ARHGEF10: variants seen among roughly 807,000 people sequenced by gnomAD.
ARHGEF10 encodes Rho guanine nucleotide exchange factor (GEF) 10.
ARHGEF10 carries 140 observed loss-of-function variants against 147.4 expected under a neutral mutation model. The ratio of observed to expected loss-of-function variants is 0.95; its 90% CI spans 0.83 to 1.09. The LOEUF is 1.09. Ranked by LOEUF, ARHGEF10 falls within the 50% of genes least tolerant of loss-of-function variation. The pLI, the probability that ARHGEF10 is intolerant of heterozygous loss-of-function variation, is 0.00. For missense variants in ARHGEF10, 2,222 were observed against 1,752.7 expected, an observed-to-expected ratio of 1.27 and a Z score of -4.78; for synonymous variants, 902 against 695.8, an observed-to-expected ratio of 1.30 and a Z score of -4.67.
chr8:1,846,063 C>T (rs1362462547), intron 2 of ARHGEF10, among the ~76,000 whole-genome samples: 1 of 152,232 alleles, frequency 6.6e-6, no homozygotes, highest in Non-Finnish European at 1.5e-5. Context: ...GTCACTAGCT[C>T]CAGGCTGCAG....
intron 1 of ARHGEF10, among the ~76,000 whole-genome samples, chr8:1,827,216 C>G (rs1311073340): frequency 6.6e-6 from 1 of 152,250 alleles, no homozygotes; most frequent in East Asian, 1.9e-4. Context: ...TGCCACCCTA[C>G]TCTGCTTCAG....
Position 1,898,477 on chromosome 8 carries a change from G to C in ARHGEF10, c.1602G>C (p.Leu534=), listed in dbSNP as rs762833112. The change falls in exon 15 of 29, where the codon CTG becomes CTC. Residue 534 remains leucine (L), a synonymous_variant. Coordinates refer to ENST00000349830, the MANE Select transcript of ARHGEF10 (RefSeq NM_014629.4). ...ASPDRTTLYS[L]MMKPIQRFPQ... ...CCGATCGAACCACGCTCTACAGCCTGATGATGAAGCCCATCCAGAGGTTCC... is the reference window on the plus strand; with the variant it reads ...CCGATCGAACCACGCTCTACAGCCTCATGATGAAGCCCATCCAGAGGTTCC... 1.9e-5 allele frequency: 30 copies of C among 1,614,044 alleles called. No homozygotes were observed. The East Asian group carries it at 5.8e-4, about 31-fold the overall frequency.
chr8:1,849,959 TGAGGAGGGCGTGGGCC>T (rs1804928250), intron 2 of ARHGEF10, among the ~76,000 whole-genome samples: 1 of 122,594 alleles, frequency 8.2e-6, no homozygotes, highest in Non-Finnish European at 1.7e-5. Context: ...GGGCAAATGC[TGAGGAGGGCGTGGGCC>T]GGCTGCATGG....
chr8:1,833,003 G>GAGAC (rs1199295918), intron 1 of ARHGEF10, among the ~76,000 whole-genome samples: 1 of 4,630 alleles, frequency 2.2e-4, no homozygotes, highest in Non-Finnish European at 5.4e-4. Context: ...GGCAGAGACA[G>GAGAC]GCAGAGAGAG....
upstream of ARHGEF10, among the ~76,000 whole-genome samples, chr8:1,823,764 C>G (rs1802551485): frequency 6.6e-6 from 1 of 151,702 alleles, no homozygotes; most frequent in Admixed American, 6.6e-5. Flanking sequence ...GGGCGTTGGG[C>G]AGCGGGAGGG....
intron 25 of ARHGEF10, among the ~76,000 whole-genome samples, chr8:1,932,658 G>C (rs554792973): frequency 6.6e-6 from 1 of 152,332 alleles, no homozygotes; most frequent in Non-Finnish European, 1.5e-5. Flanking sequence ...AACACTTTTA[G>C]CCTAATTGCA....
chr8:1,936,436 C>T (rs1289674070), intron 26 of ARHGEF10, among the ~76,000 whole-genome samples: 2 of 152,060 alleles, frequency 1.3e-5, no homozygotes, highest in East Asian at 3.9e-4. Flanking sequence ...CTTGAGCCCA[C>T]GAAGCTGAGG....
At chr8:1,840,885 C>A (rs1027024469) in intron 1 of ARHGEF10, among the ~76,000 whole-genome samples, 1 of 152,142 alleles carries the variant, frequency 6.6e-6, no homozygotes, top group Admixed American at 6.5e-5. Context: ...AGAGGGTGGG[C>A]CCCTACCGCC....
intron 3 of ARHGEF10, 133 bp downstream of exon 3, chr8:1,858,248 G>T (rs1460476640): frequency 5.0e-6 from 4 of 793,912 alleles, no homozygotes; most frequent in Non-Finnish European, 8.0e-6. Flanking sequence ...GGGTCCCCAG[G>T]TGAGTCCCCT....
chr8:1,853,315 C>G (rs1805289490), intron 2 of ARHGEF10, among the ~76,000 whole-genome samples: 1 of 152,228 alleles, frequency 6.6e-6, no homozygotes, highest in East Asian at 1.9e-4. Context: ...CGCCCACCTC[C>G]TGGGCTCCAC....
At chr8:1,859,555 C>A (rs1805917523) in intron 3 of ARHGEF10, among the ~76,000 whole-genome samples, 1 of 152,212 alleles carries the variant, frequency 6.6e-6, no homozygotes, top group East Asian at 1.9e-4. Context: ...TTGTGCACAG[C>A]ACCCGCCTCT....
intron 23 of ARHGEF10, chr8:1,926,692 C>A (rs1224360606): frequency 3.4e-6 from 2 of 590,540 alleles, no homozygotes; most frequent in East Asian, 5.9e-5. Flanking sequence ...TCATCTAAAA[C>A]ATTTACCAGA....
chr8:1,955,738 C>T (rs994327003), intron 28 of ARHGEF10, among the ~76,000 whole-genome samples: 1 of 152,220 alleles, frequency 6.6e-6, no homozygotes, highest in East Asian at 1.9e-4. Context: ...AGGTGCTACC[C>T]ATTTGCATTA....
At chr8:1,860,520 C>CCCTCCTCCTCCTCTCCGTG (rs1312298746) in intron 4 of ARHGEF10, among the ~76,000 whole-genome samples, 1 of 152,106 alleles carries the variant, frequency 6.6e-6, no homozygotes, top group African/African-American at 2.4e-5. Context: ...GCCTGACCTT[C>CCCTCCTCCTCCTCTCCGTG]CCCCTGCCCC....
chr8:1,942,921 C>T (rs1387930219), intron 26 of ARHGEF10, among the ~76,000 whole-genome samples: 2 of 152,130 alleles, frequency 1.3e-5, no homozygotes, highest in Non-Finnish European at 2.9e-5. Context: ...GAGTGGTTGT[C>T]AGGGGCTGGG....
chr8:1,890,326 C>T (rs141939777), intron 11 of ARHGEF10, among the ~76,000 whole-genome samples: 2 of 127,814 alleles, frequency 1.6e-5, no homozygotes, highest in African/African-American at 3.2e-5. Flanking sequence ...GGGTTGTGAG[C>T]AGATACTGAG....
intron 6 of ARHGEF10, 76 bp downstream of exon 6, chr8:1,866,678 G>C: frequency 7.7e-7 from 1 of 1,305,132 alleles, no homozygotes; most frequent in Admixed American, 1.7e-5. Flanking sequence ...CCGGGTCCCT[G>C]AGTCTCAGGT....
intron 18 of ARHGEF10, among the ~76,000 whole-genome samples, chr8:1,912,919 G>A (rs1039816067): frequency 3.9e-5 from 6 of 152,148 alleles, no homozygotes; most frequent in African/African-American, 1.4e-4. Flanking sequence ...CTGGCCTGGT[G>A]CAGCGTCTTT....
chr8:1,935,771 G>A (rs533307536), intron 26 of ARHGEF10, among the ~76,000 whole-genome samples: 2 of 152,358 alleles, frequency 1.3e-5, no homozygotes, highest in Middle Eastern at 3.4e-3. Context: ...ATGTGCATGG[G>A]AGGAGCTGGG....
Sources: allele counts gnomAD v4.1 joint callset (sites outside exome capture counted in the v4.1 genomes callset), GRCh38; gene constraint gnomAD v4.1.1; transcripts MANE v1.5; gene names NCBI Gene and HGNC (gene_info 2026-07-23, HGNC 2026-07-21).